Variants in TRIM44 observed in about 807,000 individuals in gnomAD.
TRIM44 encodes the protein tripartite motif containing 44, also known as tripartite motif-containing protein 44.
In TRIM44, 13 loss-of-function variants were observed where a neutral mutation model predicts 37.4. That is an observed-to-expected ratio of 0.35 (90% CI 0.23 to 0.55). The LOEUF (loss-of-function observed/expected upper bound fraction) is 0.55, where lower values mean the gene tolerates loss of function less well. Among genes scored for constraint, TRIM44 ranks in the 20% least tolerant of loss-of-function variants. The pLI, the probability that TRIM44 is intolerant of heterozygous loss-of-function variation, is 0.89. For synonymous variants in TRIM44, 175 were observed against 157.2 expected (o/e 1.11, Z -0.85); for missense variants, 426 against 437.2 (o/e 0.97, Z 0.23).
At chr11:35,784,538 A>G (rs1345225930) in intron 4 of TRIM44, among the ~76,000 whole-genome samples, 21 of 152,254 alleles carry the variant, frequency 1.4e-4, no homozygotes, top group Admixed American at 1.2e-3. Context: ...TACTGACTCC[A>G]TAATTTCAAG....
chr11:35,710,312 A>G (rs1851953734), intron 2 of TRIM44, among the ~76,000 whole-genome samples: 1 of 152,178 alleles, frequency 6.6e-6, no homozygotes. Context: ...AAATGGATAC[A>G]ATTTTATCAT....
At position 35,705,946 on chromosome 11, in the gene TRIM44, A is replaced by C. The variant is rs565798411; in HGVS notation, c.748-19978A>C. ...CTGAAGGAAACAGAGACACAAAAAA[A>C]CCTTCAAAAAATTAATGAATCCAGG... On this transcript the variant is annotated intron_variant, in intron 2 of 4. Transcript: ENST00000299413. Among the ~76,000 whole-genome samples the C allele has an allele frequency of 1.3e-5, 2 of 148,922 alleles. 1 individual carries two copies. Among genetic ancestry groups the C allele is most frequent in the East Asian group, 3.9e-4 (2 of 5,066 alleles).
chr11:35,724,181 G>A (rs1258592462), intron 2 of TRIM44: 5 of 152,188 alleles, frequency 3.3e-5, no homozygotes, highest in African/African-American at 2.4e-5. Flanking sequence ...GCTGCGTAAG[G>A]TATCAAGCTT....
intron 4 of TRIM44, among the ~76,000 whole-genome samples, chr11:35,758,154 A>G (rs991247923): frequency 5.3e-5 from 8 of 152,094 alleles, no homozygotes; most frequent in African/African-American, 7.2e-5. Context: ...GTAGTTCTCT[A>G]AGGACTTGCT....
At chr11:35,687,553 C>T (rs142072172) in intron 2 of TRIM44, among the ~76,000 whole-genome samples, 4 of 152,134 alleles carry the variant, frequency 2.6e-5, no homozygotes, top group Non-Finnish European at 4.4e-5. Flanking sequence ...ATTCTGATTC[C>T]GCCAAACTTA....
chr11:35,731,746 G>A (rs924530398), intron 3 of TRIM44, among the ~76,000 whole-genome samples: 1 of 152,082 alleles, frequency 6.6e-6, no homozygotes, highest in African/African-American at 2.4e-5. Flanking sequence ...TTGGTAAGGA[G>A]AATACTGAGT....
chr11:35,749,302 A>G (rs538661039), intron 4 of TRIM44, among the ~76,000 whole-genome samples: 13 of 152,370 alleles, frequency 8.5e-5, no homozygotes, highest in Non-Finnish European at 1.3e-4. Flanking sequence ...AGACTCATTA[A>G]TCCTTCTTTC....
chr11:35,785,192 C>G (rs1853115674), intron 4 of TRIM44, among the ~76,000 whole-genome samples: 1 of 152,200 alleles, frequency 6.6e-6, no homozygotes, highest in Non-Finnish European at 1.5e-5. Context: ...TCCATATTCT[C>G]CATTTTTGCA....
chr11:35,688,517 T>G (rs1020041222), intron 2 of TRIM44, among the ~76,000 whole-genome samples: 6 of 152,348 alleles, frequency 3.9e-5, no homozygotes, highest in African/African-American at 1.4e-4. Flanking sequence ...TTCTATGTAG[T>G]ACCTTTTCAA....
intron 2 of TRIM44, among the ~76,000 whole-genome samples, chr11:35,704,000 T>G (rs1367725267): frequency 6.6e-6 from 1 of 152,088 alleles, no homozygotes; most frequent in Non-Finnish European, 1.5e-5. Context: ...GCAAAGAAGT[T>G]GAAAACTTTG....
At chr11:35,711,450 T>G (rs921073585) in intron 2 of TRIM44, among the ~76,000 whole-genome samples, 6 of 147,764 alleles carry the variant, frequency 4.1e-5, no homozygotes, top group Non-Finnish European at 7.4e-5. Flanking sequence ...CTTAATCTCT[T>G]CATTTCTCAG....
intron 2 of TRIM44, among the ~76,000 whole-genome samples, chr11:35,697,239 G>A (rs1200595305): frequency 8.5e-6 from 1 of 118,054 alleles, no homozygotes; most frequent in Non-Finnish European, 1.7e-5. Flanking sequence ...ACAGGCCCCG[G>A]TGTGTGATGT....
At chr11:35,778,084 G>C (rs976264270) in intron 4 of TRIM44, among the ~76,000 whole-genome samples, 8 of 152,122 alleles carry the variant, frequency 5.3e-5, no homozygotes, top group Non-Finnish European at 1.5e-5. Context: ...CCATCACTTT[G>C]AGGTACACCA....
chr11:35,780,985 A>C (rs1853057269), intron 4 of TRIM44, among the ~76,000 whole-genome samples: 1 of 152,190 alleles, frequency 6.6e-6, no homozygotes, highest in South Asian at 2.1e-4. Flanking sequence ...AGACAAAAAA[A>C]CTAATAAACC....
chr11:35,745,249 T>A (rs948236204), intron 4 of TRIM44, among the ~76,000 whole-genome samples: 1 of 152,218 alleles, frequency 6.6e-6, no homozygotes, highest in Non-Finnish European at 1.5e-5. Flanking sequence ...TGGTATCTCA[T>A]TGTAATTTTG....
chr11:35,793,413 T>C (rs1045976296), intron 4 of TRIM44, among the ~76,000 whole-genome samples: 16 of 152,004 alleles, frequency 1.1e-4, no homozygotes, highest in African/African-American at 2.9e-4. Flanking sequence ...TAATCCCAGC[T>C]ACTCAGGAGG....
At position 35,778,389 on chromosome 11, in the gene TRIM44, G is replaced by A. The variant is rs137941324; in HGVS notation, c.1008-27969G>A. ...GTTTCAAGGTTTTTAGCTTCTTTGC[G>A]ATGGGTTCAAACATCCTCCTTTAGC... On this transcript the variant is annotated intron_variant, in intron 4 of 4. Transcript: ENST00000299413. Among the ~76,000 whole-genome samples, 9 of 152,184 alleles carry A rather than the reference G, an allele frequency of 5.9e-5. No individual in the cohort carries two copies. The East Asian group carries it at 1.4e-3, about 23-fold the overall frequency.
intron 1 of TRIM44, among the ~76,000 whole-genome samples, chr11:35,674,853 A>G (rs541920083): frequency 1.3e-5 from 2 of 152,324 alleles, no homozygotes; most frequent in South Asian, 4.1e-4. Context: ...ACAGTATGCT[A>G]TGGAAGTGGA....
At chr11:35,702,652 T>A (rs1023919295) in intron 2 of TRIM44, among the ~76,000 whole-genome samples, 2 of 152,204 alleles carry the variant, frequency 1.3e-5, no homozygotes, top group Non-Finnish European at 2.9e-5. Context: ...GTGTGTGAAA[T>A]TTTGCACATA....
Sources: allele counts gnomAD v4.1 joint callset (sites outside exome capture counted in the v4.1 genomes callset), GRCh38; gene constraint gnomAD v4.1.1; transcripts MANE v1.5; gene names NCBI Gene and HGNC (gene_info 2026-07-23, HGNC 2026-07-21).